Variants in HEXA observed in about 807,000 individuals in gnomAD.
HEXA encodes the protein beta-hexosaminidase subunit alpha.
Under a neutral mutation model 73.3 loss-of-function variants are expected in HEXA, and 54 were observed. The ratio of observed to expected loss-of-function variants is 0.74; its 90% CI spans 0.59 to 0.92. The LOEUF is 0.92. HEXA is among the 40% of genes least tolerant of loss of function. The probability of loss-of-function intolerance (pLI) is 0.00; values close to 1 mark genes in which losing one functional copy is unlikely to be tolerated. For synonymous variants in HEXA, 230 were observed against 246.9 expected (o/e 0.93, Z 0.64); for missense variants, 649 against 653.0 (o/e 0.99, Z 0.07).
Position 72,349,239 on chromosome 15 carries a change from G to T in HEXA, c.826C>A (p.Pro276Thr). ...WGPGIPGLLT[P>T]CYSGSEPSGT... ...GAGGGCTCAGACCCAGAGTAGCAAG[G>T]AGTCAGTAATCCAGGGATACCTAAG... The change falls in exon 8 of 14, where the codon CCT becomes ACT. Residue 276 changes from proline to threonine, a missense_variant. Pro to Thr is a conservative substitution (Grantham distance 38). Transcript: ENST00000268097. 6.2e-7 allele frequency: 1 copy of T among 1,614,098 alleles called. No homozygotes were observed. Among genetic ancestry groups the T allele is most frequent in the Non-Finnish European group, 8.5e-7 (1 of 1,180,004 alleles).
intron 3 of HEXA, chr15:72,354,653 A>C (rs2088748820): frequency 6.6e-6 from 1 of 152,420 alleles, no homozygotes; most frequent in Non-Finnish European, 1.5e-5. Flanking sequence ...CATGAAAGGT[A>C]CAAGAGGGCA....
Position 72,355,543 on chromosome 15 carries a change from A to T in HEXA, c.412+16T>A. The T allele has an allele frequency of 6.4e-7, 1 of 1,564,896 alleles. No individual in the cohort carries two copies. ...CATCCTTTCTCTCTCTCTTTTAATC[A>T]GCCCCAATTTGTTACCTCGGAGAGC... On this transcript the variant is annotated intron_variant, in intron 3 of 13. Coordinates refer to ENST00000268097, the MANE Select transcript of HEXA (RefSeq NM_000520.6).
In HEXA at chr15:72,350,659, C is replaced by T. The variant is rs780189623; in HGVS notation, c.673-9G>A. The T allele has an allele frequency of 1.9e-6, 3 of 1,613,958 alleles. No individual in the cohort carries two copies. The highest frequency in any genetic ancestry group is 1.7e-6 in the Non-Finnish European group (2 of 1,180,008). Reference sequence around the variant, plus strand: ...ACAGGGTTGTAGGACCCCTGAAAGGCACAAGACACCCTTCAGGTTCACACT... The same window carrying T: ...ACAGGGTTGTAGGACCCCTGAAAGGTACAAGACACCCTTCAGGTTCACACT... On this transcript the variant is annotated splice_polypyrimidine_tract_variant and intron_variant, in intron 6 of 13. Coordinates refer to ENST00000268097, the MANE Select transcript of HEXA (RefSeq NM_000520.6).
intron 13 of HEXA, chr15:72,345,241 A>T: frequency 1.1e-6 from 1 of 886,524 alleles, no homozygotes; most frequent in Non-Finnish European, 1.7e-6. Context: ...GTTGTTATAC[A>T]GTATTTTTTA....
chr15:72,347,873 G>A (rs1038259915), intron 9 of HEXA, 115 bp from the exon 10 acceptor site: 37 of 1,099,014 alleles, frequency 3.4e-5, no homozygotes, highest in Non-Finnish European at 5.0e-5. Context: ...TCATTAAGCA[G>A]TGTCTTTCCC....
At chr15:72,373,068 T>C (rs776274110) in intron 1 of HEXA, among the ~76,000 whole-genome samples, 31 of 152,100 alleles carry the variant, frequency 2.0e-4, no homozygotes, top group Non-Finnish European at 3.5e-4. Context: ...GAGGCAGAGG[T>C]TGCAGTGAGC....
At position 72,346,611 on chromosome 15, in the gene HEXA, G is replaced by C; in HGVS notation, c.1246C>G (p.Leu416Val). 1 of 1,614,116 alleles carries C rather than the reference G, an allele frequency of 6.2e-7. No homozygotes were observed. Reference protein sequence around the residue: ...LVTKAGFRALLSAPWYLNRIS... With the variant: ...LVTKAGFRALVSAPWYLNRIS... ...CGGTTCAGGTACCAGGGGGCAGAGAGAAGGGCCCGGAAGCCGGCCTTGGTG... is the reference window on the plus strand; with the variant it reads ...CGGTTCAGGTACCAGGGGGCAGAGACAAGGGCCCGGAAGCCGGCCTTGGTG... The change falls in exon 11 of 14, where the codon CTC becomes GTC. Residue 416 changes from leucine to valine, a missense_variant. By Grantham distance (32) the Leu-to-Val change is conservative. Coordinates refer to ENST00000268097, the MANE Select transcript of HEXA (RefSeq NM_000520.6).
chr15:72,373,133 A>T (rs1567307048), intron 1 of HEXA, among the ~76,000 whole-genome samples: 1 of 152,244 alleles, frequency 6.6e-6, no homozygotes, highest in Non-Finnish European at 1.5e-5. Flanking sequence ...TCTGTCTCAA[A>T]AAAACAAAAA....
rs1016760853 is a variant in HEXA, at chr15:72,342,091, G to T, written c.*1986C>A. 3 of 152,158 alleles carry T rather than the reference G, an allele frequency of 2.0e-5. No individual in the cohort carries two copies. The highest frequency in any genetic ancestry group is 4.8e-5 in the African/African-American group (2 of 41,434). 9.4% of individuals were successfully genotyped at this position (152,158 alleles called of 1,614,324 possible). A position where few individuals can be genotyped will look rare whatever the true frequency, so the allele number is the denominator to read the frequency against. ...AGGGTCGCACCTGTGCAGGGTCCTT[G>T]TCTGCGGACCACCCCTCCTACAAGC... On this transcript the variant is annotated 3_prime_UTR_variant, in exon 14 of 14. Transcript: ENST00000268097.
chr15:72,353,831 T>C (rs1283937747), intron 3 of HEXA, 94 bp from the exon 4 acceptor site: 1 of 928,230 alleles, frequency 1.1e-6, no homozygotes, highest in African/African-American at 1.6e-5. Flanking sequence ...AGCATAACAT[T>C]TGGGTACACA....
intron 4 of HEXA, 120 bp from the exon 5 acceptor site, chr15:72,353,298 C>A: frequency 1.4e-6 from 1 of 722,244 alleles, no homozygotes; most frequent in Non-Finnish European, 2.5e-6. Context: ...TTCTCAGGGT[C>A]GCTCTCTCCC....
At chr15:72,360,747 G>C (rs1381942771) in intron 1 of HEXA, among the ~76,000 whole-genome samples, 1 of 152,154 alleles carries the variant, frequency 6.6e-6, no homozygotes, top group African/African-American at 2.4e-5. Context: ...TTCAAATCTT[G>C]GTTCTAACAC....
intron 1 of HEXA, chr15:72,357,026 T>C (rs796847097): frequency 4.0e-5 from 13 of 322,302 alleles, no homozygotes; most frequent in East Asian, 2.9e-4. Context: ...CTGGTCACTA[T>C]ATAGAAAACT....
chr15:72,370,373 T>C (rs2088973236), intron 1 of HEXA: 1 of 359,566 alleles, frequency 2.8e-6, no homozygotes, highest in Non-Finnish European at 4.9e-6. Context: ...TTGGACTCAG[T>C]ACTATACAGG....
chr15:72,346,687 C>A lies in HEXA; in HGVS notation c.1170G>T (p.Gln390His), dbSNP rs1176485888. 1 of 1,614,010 alleles carries A rather than the reference C, an allele frequency of 6.2e-7. No homozygotes were observed. Among genetic ancestry groups the A allele is most frequent in the African/African-American group, 1.3e-5 (1 of 74,922 alleles). Reference sequence around the variant, plus strand: ...TCACTGGAATATCCTCTCGCCACACCTGTATGATTGTGTCTGGCTGAATCT... The same window carrying A: ...TCACTGGAATATCCTCTCGCCACACATGTATGATTGTGTCTGGCTGAATCT... ...KVKIQPDTII[Q>H]VWREDIPVNY... Residue 390 changes from glutamine (Q) to histidine (H), a missense_variant, in exon 11 of 14, where the codon CAG becomes CAT. Coordinates refer to ENST00000268097, the MANE Select transcript of HEXA (RefSeq NM_000520.6).
At chr15:72,375,658 G>A (rs1161802261) in intron 1 of HEXA, 62 bp downstream of exon 1, 1 of 1,600,504 alleles carries the variant, frequency 6.2e-7, no homozygotes, top group Non-Finnish European at 8.5e-7. Flanking sequence ...GAGCCCTGGG[G>A]GAACTGTCCC....
chr15:72,356,669 G>A (rs2088787596), intron 1 of HEXA, 52 bp from the exon 2 acceptor site: 2 of 1,610,756 alleles, frequency 1.2e-6, no homozygotes, highest in East Asian at 4.5e-5. Context: ...AGAAGCAACA[G>A]GCAAAACCAA....
Position 72,353,131 on chromosome 15 carries a change from GTGA to G in HEXA, c.504_506del (p.His169del), listed in dbSNP as rs2088723938. The G allele has an allele frequency of 6.2e-7, 1 of 1,613,540 alleles. No homozygotes were observed. Among genetic ancestry groups the G allele is most frequent in the Non-Finnish European group, 8.5e-7 (1 of 1,179,590 alleles). On this transcript the variant is annotated inframe_deletion, in exon 5 of 14. Coordinates refer to ENST00000268097, the MANE Select transcript of HEXA (RefSeq NM_000520.6). The stretch of plus-strand genomic sequence containing the variant: ...GAGATGTATCCAACAGCAAGCCCCG[GTGA>G]GGAAAGCGGGGAAAGTCCTCAATCT...
chr15:72,346,078 T>C (rs1161661236), intron 12 of HEXA, 157 bp downstream of exon 12: 6 of 666,020 alleles, frequency 9.0e-6, no homozygotes, highest in Middle Eastern at 4.0e-4. Context: ...AGAGTGAATA[T>C]TGCACACAAA....
Sources: gnomAD v4.1 joint callset for allele counts (sites outside exome capture counted in the v4.1 genomes callset) on GRCh38, gnomAD v4.1.1 for gene constraint, MANE v1.5 for transcripts, NCBI Gene and HGNC (gene_info 2026-07-23, HGNC 2026-07-21) for gene names.